The following BOD1L1 variants were observed in gnomAD, a reference collection of about 807,000 sequenced individuals.
BOD1L1 encodes biorientation of chromosomes in cell division protein 1-like 1.
A neutral mutation model predicts 240.7 loss-of-function variants in BOD1L1; 86 were observed. The observed-to-expected ratio is 0.36, with a 90% confidence interval of 0.30 to 0.43. The LOEUF is 0.43. Among genes scored for constraint, BOD1L1 ranks in the 20% least tolerant of loss-of-function variants. BOD1L1 has a pLI of 1.00. For synonymous variants in BOD1L1, 1,268 were observed against 1,272.3 expected (o/e 1.00, Z 0.07); for missense variants, 3,554 against 3,643.5 (o/e 0.98, Z 0.63).
At position 13,601,207 on chromosome 4, in the gene BOD1L1, A is replaced by G. The variant is rs750461587; in HGVS notation, c.5693T>C (p.Ile1898Thr). ...ACTGTCCCCTTCTGCACTTTCACAAATCAAGACCCCTTCACTTTCTTCTCC... is the reference window on the plus strand; with the variant it reads ...ACTGTCCCCTTCTGCACTTTCACAAGTCAAGACCCCTTCACTTTCTTCTCC... ...GLGEESEGVL[I>T]CESAEGDSQI... The change falls in exon 10 of 26, where the codon ATT (isoleucine) becomes ACT (threonine). Residue 1898 changes from isoleucine to threonine, a missense_variant. By Grantham distance (89) the Ile-to-Thr change is moderately conservative. Coordinates refer to ENST00000040738, the MANE Select transcript of BOD1L1 (RefSeq NM_148894.3). 1.9e-6 allele frequency: 3 copies of G among 1,613,916 alleles called. No individual in the cohort carries two copies. The African/African-American group carries it at 4.0e-5, about 22-fold the overall frequency.
At chr4:13,612,814 G>C (rs1716279556) in intron 5 of BOD1L1, among the ~76,000 whole-genome samples, 1 of 152,080 alleles carries the variant, frequency 6.6e-6, no homozygotes, top group Non-Finnish European at 1.5e-5. Flanking sequence ...CCTCTAGAGG[G>C]GGTAGAGACT....
At chr4:13,608,704 A>C (rs1159208716) in intron 7 of BOD1L1, 36 bp from the exon 8 acceptor site, 2 of 1,363,394 alleles carry the variant, frequency 1.5e-6, no homozygotes, top group African/African-American at 3.0e-5. Context: ...GTATTTCAGA[A>C]AAGTTTTACA....
intron 5 of BOD1L1, among the ~76,000 whole-genome samples, 178 bp from the exon 6 acceptor site, chr4:13,611,278 C>G (rs564801859): frequency 6.6e-6 from 1 of 152,270 alleles, no homozygotes; most frequent in African/African-American, 2.4e-5. Flanking sequence ...TTCTTATCAG[C>G]TTCTCACACA....
Position 13,599,624 on chromosome 4 carries a change from C to G in BOD1L1, c.7276G>C (p.Val2426Leu), listed in dbSNP as rs759408414. 30 of 1,614,056 alleles carry G rather than the reference C, an allele frequency of 1.9e-5. No homozygotes were observed. In the East Asian group the frequency reaches 6.5e-4, roughly 35 times the overall value. The change falls in exon 10 of 26, where the codon GTT becomes CTT. Residue 2426 changes from valine (V) to leucine (L), a missense_variant. Around this residue, in one of 2 missense-constraint regions of BOD1L1, gnomAD observed 3,393 missense variants for 3,427.1 expected, o/e 0.99. Transcript: ENST00000040738. ...PSAGQGHPSA[V>L]CAEKEEKHGK... is the part of the protein sequence containing the mutation. Reference sequence around the variant, plus strand: ...TGCTTCTCTTCTTTTTCCGCACAAACAGCACTTGGATGGCCTTGCCCTGCA... The same window carrying G: ...TGCTTCTCTTCTTTTTCCGCACAAAGAGCACTTGGATGGCCTTGCCCTGCA...
Position 13,608,577 on chromosome 4 carries a change from A to C in BOD1L1, c.1695T>G (p.Val565=). 3 of 1,544,360 alleles carry C rather than the reference A, an allele frequency of 1.9e-6. No homozygotes were observed. Among genetic ancestry groups the C allele is most frequent in the Non-Finnish European group, 1.7e-6 (2 of 1,148,084 alleles). The part of the protein sequence containing the change: ...RIKEVLKERK[V]LEKKVALSKK... The stretch of plus-strand genomic sequence containing the variant: ...TGCTTAAGGCTACTTTTTTTTCTAA[A>C]ACTTTCCGTTCTTTAAGGACTTCTT... Residue 565 remains valine, a synonymous_variant, in exon 8 of 26, where the codon GTT becomes GTG. Transcript: ENST00000040738.
rs757744405 is a variant in BOD1L1 at position 13,603,183 on chromosome 4, A to G, written c.3717T>C (p.His1239=). ...TEVNIDSETV[H]RMLLSAPSEN... ...CTGATGGGGCACTCAGTAACATTCT[A>G]TGAACAGTTTCAGAATCTATATTCA... Residue 1239 remains histidine, a synonymous_variant, in exon 10 of 26, where the codon CAT becomes CAC. Coordinates refer to ENST00000040738, the MANE Select transcript of BOD1L1 (RefSeq NM_148894.3). 2 of 1,613,920 alleles carry G rather than the reference A, an allele frequency of 1.2e-6. No homozygotes were observed. The highest frequency in any genetic ancestry group is 2.7e-5 in the African/African-American group (2 of 74,928).
At chr4:13,597,875 GTCTCTATAATGAACAAGACTAAA>G (rs1343267849) in intron 10 of BOD1L1, among the ~76,000 whole-genome samples, 2 of 152,204 alleles carry the variant, frequency 1.3e-5, no homozygotes, top group African/African-American at 4.8e-5. Flanking sequence ...AGTCTCCTAA[GTCTCTATAATGAACAAGACTAAA>G]TCTATTAGCC....
intron 10 of BOD1L1, among the ~76,000 whole-genome samples, chr4:13,598,624 T>C (rs1714810208): frequency 6.6e-6 from 1 of 152,160 alleles, no homozygotes; most frequent in South Asian, 2.1e-4. Flanking sequence ...AAAAAACCTG[T>C]AGGTCAAAAA....
chr4:13,615,908 T>C (rs1410386301), intron 2 of BOD1L1, among the ~76,000 whole-genome samples: 2 of 152,102 alleles, frequency 1.3e-5, no homozygotes, highest in Admixed American at 1.3e-4. Flanking sequence ...TCTCTACAAC[T>C]TTTTTTAACA....
Position 13,590,386 on chromosome 4 carries a change from C to T in BOD1L1, c.8209G>A (p.Glu2737Lys). The change falls in exon 14 of 26, where the codon GAG becomes AAG. Residue 2737 changes from glutamate (E) to lysine (K), a missense_variant and splice_region_variant. By Grantham distance (56) the Glu-to-Lys change is moderately conservative (BLOSUM62 1). Transcript: ENST00000040738. ...EIHSESYNKG[E>K]ISSGRKDNAE... is the part of the protein sequence containing the mutation. ...ATAACTATGAAATTCATTAACTTACCTCCTTTGTTATAAGATTCGCTATGA... is the reference window on the plus strand; with the variant it reads ...ATAACTATGAAATTCATTAACTTACTTCCTTTGTTATAAGATTCGCTATGA... 1 of 1,479,402 alleles carries T rather than the reference C, an allele frequency of 6.8e-7. No individual in the cohort carries two copies. The highest frequency in any genetic ancestry group is 9.3e-7 in the Non-Finnish European group (1 of 1,080,146). 91.6% of individuals were successfully genotyped at this position (1,479,402 alleles called of 1,614,324 possible).
chr4:13,570,882 T>C (rs10008524), intron 25 of BOD1L1, among the ~76,000 whole-genome samples: 5,257 of 152,234 alleles, frequency 0.035, 294 homozygotes, highest in African/African-American at 0.12. Context: ...CAGAGAAATG[T>C]GACTTTATTG....
chr4:13,579,619 A>G (rs10017679), intron 22 of BOD1L1, among the ~76,000 whole-genome samples: 5,276 of 152,302 alleles, frequency 0.035, 297 homozygotes, highest in African/African-American at 0.12. Flanking sequence ...GGAAAATGCA[A>G]GCAATATTGA....
In BOD1L1 at chr4:13,602,728, G is replaced by A. The variant is rs775686919; in HGVS notation, c.4172C>T (p.Thr1391Met). 71 of 1,613,810 alleles carry A rather than the reference G, an allele frequency of 4.4e-5. 1 individual carries two copies. The highest frequency in any genetic ancestry group is 3.5e-4 in the South Asian group (32 of 91,088). Residue 1391 changes from threonine to methionine, a missense_variant, in exon 10 of 26, where the codon ACG (threonine) becomes ATG (methionine). By Grantham distance (81) the Thr-to-Met change is moderately conservative. This residue lies in a region of BOD1L1 where 3,393 missense variants were observed against 3,427.1 expected (regional missense o/e 0.99). Transcript: ENST00000040738. The stretch of plus-strand genomic sequence containing the variant: ...ATTCTCATTTTCCACAATCACGCCC[G>A]TTAACTTACTTCCAAGAGGCATGAT... ...KVIMPLGSKLTGVIVENENIT... is the reference protein window; with the variant it reads ...KVIMPLGSKLMGVIVENENIT...
In BOD1L1 at chr4:13,613,937, T is replaced by TAA. The variant is rs1329281269; in HGVS notation, c.1174+257_1174+258dup. On this transcript the variant is annotated intron_variant, in intron 4 of 25. Coordinates refer to ENST00000040738, the MANE Select transcript of BOD1L1 (RefSeq NM_148894.3). The surrounding 1 kb of genome is among the most constrained non-coding windows in gnomAD (Gnocchi z 4.0). ...AAAATTAGGATATCCAACTATGAAC[T>TAA]AAGTTGCTTAAAATAATGTATGTGA... Among the ~76,000 whole-genome samples the TAA allele has an allele frequency of 3.3e-5, 5 of 152,178 alleles. No homozygotes were observed. Among genetic ancestry groups the TAA allele is most frequent in the African/African-American group, 1.2e-4 (5 of 41,460 alleles).
Position 13,602,743 on chromosome 4 carries a change from A to C in BOD1L1, c.4157T>G (p.Leu1386Arg), listed in dbSNP as rs763337239. 11 of 1,613,922 alleles carry C rather than the reference A, an allele frequency of 6.8e-6. No homozygotes were observed. The highest frequency in any genetic ancestry group is 8.5e-6 in the Non-Finnish European group (10 of 1,179,908). Reference sequence around the variant, plus strand: ...AATCACGCCCGTTAACTTACTTCCAAGAGGCATGATTACCTTTCCTTGTTT... The same window carrying C: ...AATCACGCCCGTTAACTTACTTCCACGAGGCATGATTACCTTTCCTTGTTT... The part of the protein sequence containing the change: ...DGKQGKVIMP[L>R]GSKLTGVIVE... Residue 1386 changes from leucine to arginine, a missense_variant, in exon 10 of 26, where the codon CTT becomes CGT. Leu to Arg is a moderately radical substitution (Grantham distance 102). This residue lies in a region of BOD1L1 where 3,393 missense variants were observed against 3,427.1 expected (regional missense o/e 0.99). Transcript: ENST00000040738.
intron 7 of BOD1L1, 54 bp from the exon 8 acceptor site, chr4:13,608,722 T>C (rs1010813847): frequency 1.5e-5 from 20 of 1,331,694 alleles, no homozygotes; most frequent in Non-Finnish European, 1.9e-5. Context: ...ACAAACAATG[T>C]AATATTAATT....
rs772691592 is a variant in BOD1L1, at chr4:13,601,912, C to A, written c.4988G>T (p.Cys1663Phe). 1.9e-6 allele frequency: 3 copies of A among 1,613,980 alleles called. No individual in the cohort carries two copies. The highest frequency in any genetic ancestry group is 1.7e-5 in the Admixed American group (1 of 60,024). The change falls in exon 10 of 26, where the codon TGT becomes TTT. Residue 1663 changes from cysteine to phenylalanine, a missense_variant. By Grantham distance (205) the Cys-to-Phe change is radical. Around this residue, in one of 2 missense-constraint regions of BOD1L1, gnomAD observed 3,393 missense variants for 3,427.1 expected, o/e 0.99. Transcript: ENST00000040738. ...AVTSAGSEEKCDGSLSRDSEI... is the reference protein window; with the variant it reads ...AVTSAGSEEKFDGSLSRDSEI... ...TGAGTCTCTACTTAAAGAACCATCA[C>A]ATTTTTCTTCAGAGCCTGCACTGGT...
chr4:13,600,269 C>T lies in BOD1L1; in HGVS notation c.6631G>A (p.Glu2211Lys), dbSNP rs1452182587. The T allele has an allele frequency of 8.1e-6, 13 of 1,614,058 alleles. No individual in the cohort carries two copies. The highest frequency in any genetic ancestry group is 1.1e-5 in the Non-Finnish European group (13 of 1,179,894). Residue 2211 changes from glutamate (E) to lysine (K), a missense_variant, in exon 10 of 26, where the codon GAG becomes AAG. Physicochemically the swap from Glu to Lys is moderately conservative, Grantham distance 56 (BLOSUM62 1). Coordinates refer to ENST00000040738, the MANE Select transcript of BOD1L1 (RefSeq NM_148894.3). ...AESPLASTSK[E>K]EKDECALIST... The stretch of plus-strand genomic sequence containing the variant: ...ATGAGAGCACATTCATCCTTCTCCT[C>T]CTTGCTGGTTGAGGCAAGAGGACTT...
Position 13,600,794 on chromosome 4 carries a change from T to A in BOD1L1, c.6106A>T (p.Thr2036Ser). The A allele has an allele frequency of 6.2e-7, 1 of 1,613,978 alleles. No homozygotes were observed. Among genetic ancestry groups the A allele is most frequent in the East Asian group, 2.2e-5 (1 of 44,882 alleles). ...TCACACTCTTCATTTTCTACAGAGG[T>A]GATGATGTCCTCATCTTCTTTTTCA... ...PSEKEDEDII[T>S]SVENEECDGL... Residue 2036 changes from threonine to serine, a missense_variant, in exon 10 of 26, where the codon ACC becomes TCC. This residue lies in a region of BOD1L1 where 3,393 missense variants were observed against 3,427.1 expected (regional missense o/e 0.99). Transcript: ENST00000040738.
Sources: gnomAD v4.1 joint callset for allele counts (sites outside exome capture counted in the v4.1 genomes callset) on GRCh38, gnomAD v4.1.1 for gene constraint, gnomAD v4.1.1 regional missense constraint, Gnocchi (gnomAD v3.1) non-coding constraint, MANE v1.5 for transcripts, NCBI Gene and HGNC (gene_info 2026-07-23, HGNC 2026-07-21) for gene names.